The following BTBD9 variants were observed in gnomAD, a reference collection of about 807,000 sequenced individuals.
The protein encoded by BTBD9 is BTB domain containing 9.
Under a neutral mutation model 64.3 loss-of-function variants are expected in BTBD9, and 49 were observed. The observed-to-expected ratio is 0.76, with a 90% confidence interval of 0.61 to 0.97. BTBD9 has a LOEUF of 0.97. BTBD9 is among the 50% of genes least tolerant of loss of function. The probability of loss-of-function intolerance (pLI) is 0.00; values close to 1 mark genes in which losing one functional copy is unlikely to be tolerated. For synonymous variants in BTBD9, 260 were observed against 274.7 expected (o/e 0.95, Z 0.53); for missense variants, 598 against 762.1 (o/e 0.78, Z 2.53).
rs748895907 is a variant in BTBD9, at chr6:38,184,774, T to C, written c.1641+7745A>G. 3.9e-5 allele frequency among the ~76,000 whole-genome samples: 6 copies of C among 152,192 alleles called. No individual in the cohort carries two copies. Among genetic ancestry groups the C allele is most frequent in the Non-Finnish European group, 7.3e-5 (5 of 68,032 alleles). ...CAGGAAGGAGCACTTGTTTCATTTT[T>C]TTCTTTAAGAGTCTGTTTCCCTGTT... On this transcript the variant is annotated intron_variant, in intron 10 of 10. Coordinates refer to ENST00000481247, the MANE Select transcript of BTBD9 (RefSeq NM_001099272.2). This position sits in a 1 kb window ranked among gnomAD's most constrained non-coding sequence, Gnocchi z 4.4.
At chr6:38,568,857 TTTAATC>T (rs1250791390) in intron 6 of BTBD9, among the ~76,000 whole-genome samples, 1 of 152,204 alleles carries the variant, frequency 6.6e-6, no homozygotes, top group African/African-American at 2.4e-5. Context: ...CAGGGAGTCT[TTTAATC>T]TTAAAGAAAG....
chr6:38,580,301 GTCA>G lies in BTBD9; in HGVS notation c.948_950del (p.Asp317del). 1 of 1,614,236 alleles carries G rather than the reference GTCA, an allele frequency of 6.2e-7. No individual in the cohort carries two copies. The highest frequency in any genetic ancestry group is 8.5e-7 in the Non-Finnish European group (1 of 1,180,038). ...GCTTAATCTCGATGCCGGAACGGCA[GTCA>G]TCATCAATTGGGTGCCTTGAAAATC... On this transcript the variant is annotated inframe_deletion, in exon 5 of 11. Coordinates refer to ENST00000481247, the MANE Select transcript of BTBD9 (RefSeq NM_001099272.2).
chr6:38,373,621 T>C (rs538270704), intron 6 of BTBD9, among the ~76,000 whole-genome samples: 1 of 152,296 alleles, frequency 6.6e-6, no homozygotes, highest in South Asian at 2.1e-4. Context: ...AGCCTCGACC[T>C]GCCAGGCTCA....
chr6:38,289,800 G>A lies in BTBD9; in HGVS notation c.1265-1339C>T, dbSNP rs114915049. Among the ~76,000 whole-genome samples the A allele has an allele frequency of 5.4e-3, 815 of 152,132 alleles. 5 individuals are homozygous for A. The highest frequency in any genetic ancestry group is 0.018 in the African/African-American group (757 of 41,486). On this transcript the variant is annotated intron_variant, in intron 7 of 10. Transcript: ENST00000481247. ...CAACCTGCTCATTTATAAAAGTCAAGAACTTCCACAAAATGATGGATGCTC... is the reference window on the plus strand; with the variant it reads ...CAACCTGCTCATTTATAAAAGTCAAAAACTTCCACAAAATGATGGATGCTC...
intron 6 of BTBD9, among the ~76,000 whole-genome samples, chr6:38,526,726 T>G (rs185513185): frequency 6.6e-6 from 1 of 152,256 alleles, no homozygotes; most frequent in African/African-American, 2.4e-5. Context: ...CTGCTGGATT[T>G]TGGACTTGCA....
At position 38,228,440 on chromosome 6, in the gene BTBD9, AT is replaced by A. The variant is rs1457977188; in HGVS notation, c.1562+27968del. Reference sequence around the variant, plus strand: ...TACTATGATGTGTCAGTGTAGGTTCATCAAATGCAACAAATGTACCACTCTG... The same window carrying A: ...TACTATGATGTGTCAGTGTAGGTTCACAAATGCAACAAATGTACCACTCTG... On this transcript the variant is annotated intron_variant, in intron 9 of 10. Coordinates refer to ENST00000481247, the MANE Select transcript of BTBD9 (RefSeq NM_001099272.2). 1.3e-5 allele frequency among the ~76,000 whole-genome samples: 2 copies of A among 148,802 alleles called. 1 individual carries two copies.
At chr6:38,557,219 G>A (rs1215140831) in intron 6 of BTBD9, among the ~76,000 whole-genome samples, 1 of 151,618 alleles carries the variant, frequency 6.6e-6, no homozygotes, top group Non-Finnish European at 1.5e-5. Context: ...GGTGGCAGGC[G>A]CCTGCAATCC....
intron 7 of BTBD9, among the ~76,000 whole-genome samples, chr6:38,316,534 C>A (rs1763035407): frequency 6.6e-6 from 1 of 152,122 alleles, no homozygotes; most frequent in Non-Finnish European, 1.5e-5. Context: ...GTTAACAACA[C>A]TGATTACATA....
chr6:38,583,809 A>T (rs1776396236), intron 4 of BTBD9, among the ~76,000 whole-genome samples: 1 of 151,588 alleles, frequency 6.6e-6, no homozygotes, highest in Non-Finnish European at 1.5e-5. Flanking sequence ...CAAAACAGAG[A>T]ACATCTACAC....
intron 6 of BTBD9, among the ~76,000 whole-genome samples, chr6:38,474,383 C>A (rs183062508): frequency 7.2e-5 from 11 of 152,030 alleles, no homozygotes; most frequent in Admixed American, 7.2e-4. Context: ...ATTAGCCAGG[C>A]GAGGTGGTAC....
chr6:38,303,691 T>C (rs1371610785), intron 7 of BTBD9, among the ~76,000 whole-genome samples: 4 of 151,878 alleles, frequency 2.6e-5, no homozygotes, highest in Non-Finnish European at 4.4e-5. Context: ...ATTACTGATA[T>C]GCTTTCAAAC....
At chr6:38,178,391 G>A (rs143988362) in intron 10 of BTBD9, among the ~76,000 whole-genome samples, 4 of 152,248 alleles carry the variant, frequency 2.6e-5, no homozygotes, top group Non-Finnish European at 4.4e-5. Context: ...CGCTGCACAC[G>A]TGAGCAGGGT....
chr6:38,470,568 T>C (rs950192820), intron 6 of BTBD9, among the ~76,000 whole-genome samples: 1 of 152,214 alleles, frequency 6.6e-6, no homozygotes, highest in East Asian at 1.9e-4. Flanking sequence ...ACCATCCCAT[T>C]TATCCTAGTG....
At chr6:38,427,619 T>C (rs1768233911) in intron 6 of BTBD9, among the ~76,000 whole-genome samples, 1 of 151,956 alleles carries the variant, frequency 6.6e-6, no homozygotes, top group African/African-American at 2.4e-5. Flanking sequence ...TTTGTGTGTG[T>C]GCTTATCAGT....
intron 1 of BTBD9, among the ~76,000 whole-genome samples, chr6:38,619,152 C>T (rs1777899234): frequency 6.6e-6 from 1 of 152,144 alleles, no homozygotes; most frequent in Non-Finnish European, 1.5e-5. Flanking sequence ...CACCTGACTC[C>T]CTCAAGGATC....
In BTBD9 at chr6:38,184,438, A is replaced by G. The variant is rs1379133370; in HGVS notation, c.1641+8081T>C. Among the ~76,000 whole-genome samples, 1 of 152,218 alleles carries G rather than the reference A, an allele frequency of 6.6e-6. No homozygotes were observed. The highest frequency in any genetic ancestry group is 2.4e-5 in the African/African-American group (1 of 41,448). Reference sequence around the variant, plus strand: ...TCCATTTCCAGTTGCTGGAACATGAAGCCCCTGGAGGGCCAGGTTCCCTCC... The same window carrying G: ...TCCATTTCCAGTTGCTGGAACATGAGGCCCCTGGAGGGCCAGGTTCCCTCC... On this transcript the variant is annotated intron_variant, in intron 10 of 10. Transcript: ENST00000481247. The surrounding 1 kb of genome is among the most constrained non-coding windows in gnomAD (Gnocchi z 4.4).
intron 10 of BTBD9, among the ~76,000 whole-genome samples, chr6:38,176,644 C>T (rs1346441473): frequency 6.6e-6 from 1 of 152,168 alleles, no homozygotes; most frequent in East Asian, 1.9e-4. Context: ...CAGTCAACAA[C>T]TGGAGGGGCT....
chr6:38,599,162 C>T (rs1467004221), intron 1 of BTBD9, among the ~76,000 whole-genome samples: 1 of 152,040 alleles, frequency 6.6e-6, no homozygotes, highest in Non-Finnish European at 1.5e-5. Context: ...TATACAATGC[C>T]TTTCTACAAA....
chr6:38,371,326 C>A (rs543602525), intron 6 of BTBD9, among the ~76,000 whole-genome samples: 4 of 152,316 alleles, frequency 2.6e-5, no homozygotes, highest in South Asian at 4.1e-4. Flanking sequence ...AATTTAAACT[C>A]TGAAAGTGTT....
Sources: gnomAD v4.1 joint callset for allele counts (sites outside exome capture counted in the v4.1 genomes callset) on GRCh38, gnomAD v4.1.1 for gene constraint, Gnocchi (gnomAD v3.1) non-coding constraint, MANE v1.5 for transcripts, NCBI Gene and HGNC (gene_info 2026-07-23, HGNC 2026-07-21) for gene names.